The following COL4A1 variants were observed in gnomAD, a reference collection of about 807,000 sequenced individuals.
COL4A1 encodes the protein collagen type IV alpha 1 chain.
Under a neutral mutation model 216.6 loss-of-function variants are expected in COL4A1, and 40 were observed. The observed-to-expected ratio is 0.18, with a 90% CI of 0.14 to 0.24. COL4A1 has a LOEUF of 0.24. COL4A1 is among the 10% of genes least tolerant of loss of function. The pLI, the probability that COL4A1 is intolerant of heterozygous loss-of-function variation, is 1.00. For missense variants in COL4A1, 1,628 were observed against 2,196.8 expected, an observed-to-expected ratio of 0.74 and a Z score of 5.18; for synonymous variants, 839 against 810.7, an observed-to-expected ratio of 1.03 and a Z score of -0.59.
intron 1 of COL4A1, among the ~76,000 whole-genome samples, chr13:110,263,621 T>G (rs1239234183): frequency 6.6e-6 from 1 of 152,156 alleles, no homozygotes; most frequent in African/African-American, 2.4e-5. Context: ...GCCCAGCTCC[T>G]GTGTTTATTT....
Position 110,211,286 on chromosome 13 carries a change from A to C in COL4A1, c.468+361T>G, listed in dbSNP as rs1046310842. 6.6e-6 allele frequency among the ~76,000 whole-genome samples: 1 copy of C among 152,058 alleles called. No homozygotes were observed. Among genetic ancestry groups the C allele is most frequent in the African/African-American group, 2.4e-5 (1 of 41,390 alleles). ...GCCAGCAGCCGAGCCCCAAGACATC[A>C]ACACCCCGCCTGGGAAAAGCTGCCC... is the stretch of plus-strand genomic sequence containing the variant. On this transcript the variant is annotated intron_variant, in intron 8 of 51. Transcript: ENST00000375820. This position sits in a 1 kb window ranked among gnomAD's most constrained non-coding sequence, Gnocchi z 4.3.
chr13:110,203,573 G>T lies in COL4A1; in HGVS notation c.992C>A (p.Pro331His), dbSNP rs1879343435. ...EKGEAGPPGP[P>H]GIVIGTGPLG... ...GACAGCACTCTTACTCACAATTCCAGGTGGGCCAGGAGGACCTGCTTCACC... is the reference window on the plus strand; with the variant it reads ...GACAGCACTCTTACTCACAATTCCATGTGGGCCAGGAGGACCTGCTTCACC... Residue 331 changes from proline to histidine, a missense_variant, in exon 18 of 52, where the codon CCT becomes CAT. Pro to His is a moderately conservative substitution (Grantham distance 77). Coordinates refer to ENST00000375820, the MANE Select transcript of COL4A1 (RefSeq NM_001845.6). 7 of 1,613,864 alleles carry T rather than the reference G, an allele frequency of 4.3e-6. No homozygotes were observed. In the East Asian group the frequency reaches 1.6e-4, roughly 36 times the overall value.
chr13:110,233,454 T>TG (rs1315846315), intron 2 of COL4A1, among the ~76,000 whole-genome samples: 3 of 152,122 alleles, frequency 2.0e-5, no homozygotes, highest in African/African-American at 7.2e-5. Context: ...TCAGATACTT[T>TG]GGGGGGTGGA....
intron 39 of COL4A1, 67 bp from the exon 40 acceptor site, chr13:110,174,065 T>C (rs1877766104): frequency 1.3e-6 from 2 of 1,564,598 alleles, no homozygotes; most frequent in African/African-American, 1.4e-5. Flanking sequence ...CCATACAAAA[T>C]GGCCCTTTGC....
chr13:110,191,510 T>C, intron 24 of COL4A1: 1 of 492,514 alleles, frequency 2.0e-6, no homozygotes, highest in South Asian at 3.7e-5. Context: ...CCTTCAAAAT[T>C]CAAGATTATT....
intron 48 of COL4A1, 150 bp from the exon 49 acceptor site, chr13:110,161,519 T>A: frequency 9.7e-7 from 1 of 1,028,208 alleles, no homozygotes; most frequent in Non-Finnish European, 1.4e-6. Flanking sequence ...GTAGGACATT[T>A]TTGATGAAAG....
At chr13:110,156,079 A>G (rs1350992685) in intron 49 of COL4A1, among the ~76,000 whole-genome samples, 3 of 152,176 alleles carry the variant, frequency 2.0e-5, no homozygotes, top group South Asian at 4.1e-4. Context: ...CCCCTAAAAT[A>G]TTGTTTAAAA....
At chr13:110,163,947 T>A (rs1307548914) in intron 46 of COL4A1, among the ~76,000 whole-genome samples, 1 of 151,770 alleles carries the variant, frequency 6.6e-6, no homozygotes, top group Non-Finnish European at 1.5e-5. Context: ...TTTGTTTTCA[T>A]GTACATAGCT....
intron 1 of COL4A1, among the ~76,000 whole-genome samples, chr13:110,295,109 T>G (rs1333059081): frequency 6.6e-6 from 1 of 152,246 alleles, no homozygotes; most frequent in Non-Finnish European, 1.5e-5. Flanking sequence ...CAGACTCATT[T>G]CCTTAAGACA....
intron 40 of COL4A1, 128 bp from the exon 41 acceptor site, chr13:110,172,898 T>A (rs1034572479): frequency 1.3e-6 from 1 of 774,068 alleles, no homozygotes. Flanking sequence ...ATTAGTTAAT[T>A]GCACCCTTGT....
chr13:110,192,511 C>T (rs1208926973), intron 23 of COL4A1, among the ~76,000 whole-genome samples: 1 of 152,186 alleles, frequency 6.6e-6, no homozygotes, highest in Non-Finnish European at 1.5e-5. Context: ...CACCCCACAC[C>T]TGCCCCCCTG....
At chr13:110,220,683 C>T (rs1443269894) in intron 2 of COL4A1, among the ~76,000 whole-genome samples, 1 of 128,904 alleles carries the variant, frequency 7.8e-6, no homozygotes, top group Non-Finnish European at 1.7e-5. Flanking sequence ...CACCGTCCTC[C>T]TTCTGACTAT....
intron 2 of COL4A1, among the ~76,000 whole-genome samples, chr13:110,230,343 A>G (rs186890235): frequency 1.3e-5 from 2 of 152,154 alleles, no homozygotes; most frequent in East Asian, 1.9e-4. Context: ...TGATGTGTGC[A>G]TGCACACATG....
chr13:110,237,836 G>A (rs577610035), intron 2 of COL4A1, among the ~76,000 whole-genome samples: 1 of 152,296 alleles, frequency 6.6e-6, no homozygotes, highest in Admixed American at 6.5e-5. Flanking sequence ...GGCGCTAAAT[G>A]GCTGGTAAAG....
intron 1 of COL4A1, among the ~76,000 whole-genome samples, chr13:110,274,541 G>C (rs1883363054): frequency 1.3e-5 from 2 of 152,076 alleles, no homozygotes. Context: ...GGTCAGGTGG[G>C]GTCAGCATCA....
In COL4A1 at chr13:110,306,961, T is replaced by C; in HGVS notation, c.67A>G (p.Ser23Gly). 3 of 1,475,600 alleles carry C rather than the reference T, an allele frequency of 2.0e-6. No individual in the cohort carries two copies. Among genetic ancestry groups the C allele is most frequent in the Non-Finnish European group, 2.7e-6 (3 of 1,118,606 alleles). 91.4% of individuals were successfully genotyped at this position (1,475,600 alleles called of 1,614,324 possible). A position where few individuals can be genotyped will look rare whatever the true frequency, so the allele number is the denominator to read the frequency against. Residue 23 changes from serine (S) to glycine (G), a missense_variant, in exon 1 of 52, where the codon AGC (serine) becomes GGC (glycine). Ser to Gly is a moderately conservative substitution (Grantham distance 56). Around this residue, in one of 8 missense-constraint regions of COL4A1, gnomAD observed 74 missense variants for 61.7 expected, o/e 1.20. Coordinates refer to ENST00000375820, the MANE Select transcript of COL4A1 (RefSeq NM_001845.6). ...PAALLLHEEHSRAAAKGGCAG... is the reference protein window; with the variant it reads ...PAALLLHEEHGRAAAKGGCAG... Reference sequence around the variant, plus strand: ...GAACTCACCTTCGCAGCGGCCCGGCTGTGCTCCTCGTGGAGCAGAAGGGCG... The same window carrying C: ...GAACTCACCTTCGCAGCGGCCCGGCCGTGCTCCTCGTGGAGCAGAAGGGCG...
chr13:110,183,006 G>A lies in COL4A1; in HGVS notation c.2082C>T (p.Pro694=), dbSNP rs765834357. 3.1e-6 allele frequency: 5 copies of A among 1,612,594 alleles called. No individual in the cohort carries two copies. Among genetic ancestry groups the A allele is most frequent in the South Asian group, 1.1e-5 (1 of 90,780 alleles). ...TGGCAGGGTTACCTTTGGGGCCGGG[G>A]GGCCCTGGAAATCCAATGCCTGGCT... The part of the protein sequence containing the change: ...VGQPGIGFPG[P]PGPKGVDGLP... The change falls in exon 28 of 52, where the codon CCC becomes CCT. Residue 694 remains proline (P), a synonymous_variant. Transcript: ENST00000375820.
intron 2 of COL4A1, among the ~76,000 whole-genome samples, chr13:110,218,666 G>A (rs1473149295): frequency 6.6e-6 from 1 of 152,144 alleles, no homozygotes; most frequent in Non-Finnish European, 1.5e-5. Context: ...AAGGTTACTG[G>A]GCAGGACAGG....
intron 49 of COL4A1, 168 bp downstream of exon 49, chr13:110,161,024 C>G (rs533063195): frequency 1.2e-6 from 1 of 814,456 alleles, no homozygotes; most frequent in South Asian, 1.7e-5. Flanking sequence ...ACTTTTATGT[C>G]AAATAATTTT....
Sources: allele counts gnomAD v4.1 joint callset (sites outside exome capture counted in the v4.1 genomes callset), GRCh38; gene constraint gnomAD v4.1.1; regional missense constraint gnomAD v4.1.1; non-coding constraint Gnocchi (gnomAD v3.1); transcripts MANE v1.5; gene names NCBI Gene and HGNC (gene_info 2026-07-23, HGNC 2026-07-21).